Variants in AMOTL1 observed in about 807,000 individuals in gnomAD.
AMOTL1 encodes the protein angiomotin-like protein 1.
In AMOTL1, 45 loss-of-function variants were observed where a neutral mutation model predicts 102.9. That is an observed-to-expected ratio of 0.44 (90% CI 0.34 to 0.56). AMOTL1 has a LOEUF of 0.56. Among genes scored for constraint, AMOTL1 ranks in the 20% least tolerant of loss-of-function variants. AMOTL1 has a pLI of 0.01. For missense variants in AMOTL1, 1,114 were observed against 1,225.6 expected (o/e 0.91, Z 1.36); for synonymous variants, 481 against 484.7 (o/e 0.99, Z 0.10).
upstream of AMOTL1, among the ~76,000 whole-genome samples, chr11:94,767,444 G>C (rs956353966): frequency 6.6e-6 from 1 of 152,126 alleles, no homozygotes; most frequent in African/African-American, 2.4e-5. Context: ...GTCCCTGAAG[G>C]CCGGACCTAG....
chr11:94,862,204 G>C (rs1017949006), intron 9 of AMOTL1, among the ~76,000 whole-genome samples: 1 of 152,118 alleles, frequency 6.6e-6, no homozygotes, highest in African/African-American at 2.4e-5. Flanking sequence ...CCCCTTCTGG[G>C]TGGGGGAATA....
At chr11:94,713,104 T>A (rs1450923110) in intron 1 of AMOTL1, among the ~76,000 whole-genome samples, 3 of 151,882 alleles carry the variant, frequency 2.0e-5, no homozygotes, top group African/African-American at 4.8e-5. Flanking sequence ...ACCATTTTTT[T>A]AAAAGGCTCT....
At chr11:94,713,335 A>G (rs1950047185) in intron 1 of AMOTL1, among the ~76,000 whole-genome samples, 1 of 151,924 alleles carries the variant, frequency 6.6e-6, no homozygotes, top group Non-Finnish European at 1.5e-5. Context: ...TTTCAGGGTT[A>G]TTTGTCAAAA....
intron 1 of AMOTL1, among the ~76,000 whole-genome samples, chr11:94,769,637 G>A (rs554586167): frequency 2.6e-5 from 4 of 152,192 alleles, no homozygotes; most frequent in African/African-American, 9.6e-5. Context: ...TCCTGTCTCC[G>A]CGTGGCAAAT....
At chr11:94,746,212 G>T (rs1204784347) in intron 3 of AMOTL1, among the ~76,000 whole-genome samples, 1 of 152,190 alleles carries the variant, frequency 6.6e-6, no homozygotes, top group African/African-American at 2.4e-5. Flanking sequence ...TCATGATGGA[G>T]TGTCAAGAAA....
chr11:94,788,014 A>T (rs946964084), intron 1 of AMOTL1, among the ~76,000 whole-genome samples: 3 of 152,170 alleles, frequency 2.0e-5, no homozygotes, highest in Non-Finnish European at 2.9e-5. Context: ...ACTCCAGGGG[A>T]TAGTGCTATC....
At chr11:94,777,835 G>T (rs987850756) in intron 1 of AMOTL1, among the ~76,000 whole-genome samples, 8 of 152,170 alleles carry the variant, frequency 5.3e-5, no homozygotes, top group African/African-American at 1.9e-4. Context: ...AATATCTGTT[G>T]AGTGAATAAC....
chr11:94,818,951 A>C (rs1324689603), intron 3 of AMOTL1, among the ~76,000 whole-genome samples: 1 of 152,188 alleles, frequency 6.6e-6, no homozygotes, highest in Non-Finnish European at 1.5e-5. Context: ...TGGACTTCAG[A>C]TAATATGGCC....
chr11:94,743,854 T>G (rs1166016482), intron 3 of AMOTL1, among the ~76,000 whole-genome samples: 1 of 151,944 alleles, frequency 6.6e-6, no homozygotes, highest in Non-Finnish European at 1.5e-5. Flanking sequence ...AGACAGGGTT[T>G]TGCCATGTTA....
intron 6 of AMOTL1, among the ~76,000 whole-genome samples, chr11:94,848,635 G>A (rs1028926321): frequency 1.3e-5 from 2 of 152,180 alleles, no homozygotes; most frequent in South Asian, 4.1e-4. Context: ...GGAGACCCTG[G>A]ACAAGTGCCT....
intron 2 of AMOTL1, among the ~76,000 whole-genome samples, chr11:94,739,431 C>T (rs1309234951): frequency 6.6e-6 from 1 of 152,186 alleles, no homozygotes; most frequent in Non-Finnish European, 1.5e-5. Context: ...CCCACCCCTG[C>T]TTCCCTGGGC....
chr11:94,730,303 C>T (rs776035096), intron 2 of AMOTL1, among the ~76,000 whole-genome samples: 2 of 152,194 alleles, frequency 1.3e-5, no homozygotes, highest in Non-Finnish European at 2.9e-5. Context: ...CTGAATACAT[C>T]CTGCCCTCAC....
chr11:94,716,677 G>A (rs1409407465), intron 1 of AMOTL1, among the ~76,000 whole-genome samples: 2 of 152,112 alleles, frequency 1.3e-5, no homozygotes, highest in African/African-American at 4.8e-5. Context: ...GAAGGGACGG[G>A]TCCTGTTCAG....
chr11:94,842,398 A>G (rs1952322432), intron 6 of AMOTL1, among the ~76,000 whole-genome samples: 1 of 152,188 alleles, frequency 6.6e-6, no homozygotes, highest in African/African-American at 2.4e-5. Context: ...ACCACACTCA[A>G]AAGAACCCCC....
At chr11:94,868,866 C>T (rs527637282) in intron 11 of AMOTL1, among the ~76,000 whole-genome samples, 5 of 151,910 alleles carry the variant, frequency 3.3e-5, no homozygotes, top group South Asian at 2.1e-4. Context: ...TCCATACCAC[C>T]CTGTGAATAA....
At chr11:94,720,641 T>C (rs987415072) in intron 1 of AMOTL1, among the ~76,000 whole-genome samples, 1 of 152,060 alleles carries the variant, frequency 6.6e-6, no homozygotes, top group African/African-American at 2.4e-5. Context: ...CTCTTTTCTT[T>C]TGTGTGTGTC....
rs779975735 is a variant in AMOTL1 at position 94,799,508 on chromosome 11, A to G, written c.318A>G (p.Gln106=). 6 of 1,613,352 alleles carry G rather than the reference A, an allele frequency of 3.7e-6. No homozygotes were observed. In the South Asian group the frequency reaches 6.6e-5, roughly 18 times the overall value. Residue 106 remains glutamine, a synonymous_variant, in exon 3 of 13, where the codon CAA becomes CAG. Transcript: ENST00000433060. This position sits in a 1 kb window ranked among gnomAD's most constrained non-coding sequence, Gnocchi z 4.5. The stretch of plus-strand genomic sequence containing the variant: ...TATTGCAGCGGCTGATCCAGGAACA[A>G]CTGCGGTATGGCACCCCAACCGAGA... ...GTVLQRLIQE[Q]LRYGTPTENM...
At chr11:94,865,460 A>G (rs1403510243) in intron 10 of AMOTL1, among the ~76,000 whole-genome samples, 1 of 152,220 alleles carries the variant, frequency 6.6e-6, no homozygotes, top group Non-Finnish European at 1.5e-5. Flanking sequence ...TTACTATCAA[A>G]GTTGTGAAAA....
intron 1 of AMOTL1, among the ~76,000 whole-genome samples, chr11:94,713,330 G>C (rs918830216): frequency 6.6e-6 from 1 of 150,746 alleles, no homozygotes; most frequent in Non-Finnish European, 1.5e-5. Flanking sequence ...TCCCATTTCA[G>C]GGTTATTTGT....
Sources: allele counts gnomAD v4.1 joint callset (sites outside exome capture counted in the v4.1 genomes callset), GRCh38; gene constraint gnomAD v4.1.1; non-coding constraint Gnocchi (gnomAD v3.1); transcripts MANE v1.5; gene names NCBI Gene and HGNC (gene_info 2026-07-23, HGNC 2026-07-21).